Variants in EXOSC4 observed in about 807,000 individuals in gnomAD.
EXOSC4 encodes exosome component 4, also known as exosome complex component RRP41.
Under a neutral mutation model 20.0 loss-of-function variants are expected in EXOSC4, and 14 were observed. The observed-to-expected ratio is 0.70, with a 90% confidence interval of 0.46 to 1.09. The LOEUF (loss-of-function observed/expected upper bound fraction) is 1.09, where lower values mean the gene tolerates loss of function less well. Ranked by LOEUF, EXOSC4 falls within the 50% of genes least tolerant of loss-of-function variation. The pLI, the probability that EXOSC4 is intolerant of heterozygous loss-of-function variation, is 0.00. For missense variants in EXOSC4, 337 were observed against 334.0 expected (o/e 1.01, Z -0.07); for synonymous variants, 148 against 146.4 (o/e 1.01, Z -0.08).
Position 144,080,498 on chromosome 8 carries a change from G to C in EXOSC4, c.635G>C (p.Arg212Pro), listed in dbSNP as rs377386138. The part of the protein sequence containing the change: ...DARLHEDHLE[R>P]VLEAAAQAAR... The stretch of plus-strand genomic sequence containing the variant: ...CGGCTGCACGAGGACCACCTGGAGC[G>C]GGTGTTGGAGGCTGCTGCCCAGGCT... Residue 212 changes from arginine (R) to proline (P), a missense_variant, in exon 3 of 3, where the codon CGG becomes CCG. Coordinates refer to ENST00000316052, the MANE Select transcript of EXOSC4 (RefSeq NM_019037.3). The surrounding 1 kb of genome is among the most constrained non-coding windows in gnomAD (Gnocchi z 4.9). 5.6e-6 allele frequency: 9 copies of C among 1,606,024 alleles called. No individual in the cohort carries two copies. The South Asian group carries it at 8.8e-5, about 16-fold the overall frequency.
At position 144,080,163 on chromosome 8, in the gene EXOSC4, AGCC is replaced by A. The variant is rs1224440147; in HGVS notation, c.378+16_378+18del. 6.2e-6 allele frequency: 10 copies of A among 1,608,348 alleles called. No individual in the cohort carries two copies. Among genetic ancestry groups the A allele is most frequent in the Non-Finnish European group, 8.5e-6 (10 of 1,175,678 alleles). On this transcript the variant is annotated intron_variant, in intron 2 of 2. Transcript: ENST00000316052. The surrounding 1 kb of genome is among the most constrained non-coding windows in gnomAD (Gnocchi z 4.9). ...ATCTATGTGCAGGTGAGCCAGCTGC[AGCC>A]GTCAATCCAGGGAGGGAAGGGTGTG...
chr8:144,079,778 C>T (rs782429055), intron 1 of EXOSC4, 165 bp from the exon 2 acceptor site: 27 of 772,044 alleles, frequency 3.5e-5, no homozygotes, highest in Non-Finnish European at 5.5e-5. Flanking sequence ...TGCCAGAGGG[C>T]GACACATGCA....
At chr8:144,074,784 G>A (rs1835821925), upstream of EXOSC4, among the ~76,000 whole-genome samples, 4 of 152,066 alleles carry the variant, frequency 2.6e-5, no homozygotes, top group Admixed American at 2.6e-4. Flanking sequence ...ATGTTGCCCA[G>A]GCTGGTCTCG....
chr8:144,076,813 T>C, upstream of EXOSC4, among the ~76,000 whole-genome samples: 1 of 152,154 alleles, frequency 6.6e-6, no homozygotes. Flanking sequence ...GTAATGGCCA[T>C]GCGTGGTGGC....
Position 144,080,623 on chromosome 8 carries a change from G to T in EXOSC4, c.*22G>T, listed in dbSNP as rs782499711. 1.3e-6 allele frequency: 2 copies of T among 1,589,990 alleles called. No individual in the cohort carries two copies. The highest frequency in any genetic ancestry group is 3.3e-5 in the Admixed American group (2 of 59,756). On this transcript the variant is annotated 3_prime_UTR_variant, in exon 3 of 3. Transcript: ENST00000316052. This position sits in a 1 kb window ranked among gnomAD's most constrained non-coding sequence, Gnocchi z 4.9. ...CTGACCACCCAGCCACCCATGTCCAGAATAAAACCCTCCTCTGCCCACACA... is the reference window on the plus strand; with the variant it reads ...CTGACCACCCAGCCACCCATGTCCATAATAAAACCCTCCTCTGCCCACACA...
intron 1 of EXOSC4, 115 bp downstream of exon 1, chr8:144,079,014 G>A: frequency 8.4e-7 from 1 of 1,196,670 alleles, no homozygotes; most frequent in Non-Finnish European, 1.1e-6. Flanking sequence ...AGTCTACACA[G>A]CCGATGCTCA....
At position 144,078,980 on chromosome 8, in the gene EXOSC4, G is replaced by A. The variant is rs1045360831; in HGVS notation, c.171+81G>A. On this transcript the variant is annotated intron_variant, in intron 1 of 2. Transcript: ENST00000316052. The surrounding 1 kb of genome is among the most constrained non-coding windows in gnomAD (Gnocchi z 4.7). ...GGGCTGAGCGCTGGCTCGGGGACTT[G>A]AGGGGCAACGGCCGGCGCGCCTCAG... 1 of 1,336,332 alleles carries A rather than the reference G, an allele frequency of 7.5e-7. No homozygotes were observed. The highest frequency in any genetic ancestry group is 9.6e-7 in the Non-Finnish European group (1 of 1,039,596). The allele number at this position is 1,336,332 out of a possible 1,614,324, so 82.8% of individuals were successfully genotyped here.
upstream of EXOSC4, chr8:144,078,257 GCACCCC>G: frequency 6.5e-6 from 1 of 153,790 alleles, no homozygotes; most frequent in Non-Finnish European, 1.5e-5. The surrounding 1 kb of genome is among the most constrained non-coding windows in gnomAD (Gnocchi z 4.7). Context: ...TGTCAGTGTC[GCACCCC>G]ACTGGGTTCA....
At chr8:144,077,704 T>G (rs1554762909), upstream of EXOSC4, among the ~76,000 whole-genome samples, 1 of 152,226 alleles carries the variant, frequency 6.6e-6, no homozygotes, top group African/African-American at 2.4e-5. Context: ...CTTCTGAGGT[T>G]AGGTCCTAAA....
upstream of EXOSC4, among the ~76,000 whole-genome samples, chr8:144,074,525 A>G (rs1554762500): frequency 2.0e-5 from 3 of 152,128 alleles, no homozygotes; most frequent in African/African-American, 7.2e-5. Flanking sequence ...CAAACAAGAA[A>G]ACCCAAACTC....
Position 144,078,869 on chromosome 8 carries a change from G to T in EXOSC4, c.141G>T (p.Lys47Asn). Residue 47 changes from lysine to asparagine, a missense_variant, in exon 1 of 3, where the codon AAG becomes AAT. Coordinates refer to ENST00000316052, the MANE Select transcript of EXOSC4 (RefSeq NM_019037.3). This position sits in a 1 kb window ranked among gnomAD's most constrained non-coding sequence, Gnocchi z 4.7. ...GSAYIEQGNT[K>N]ALAVVYGPHE... ...CCTACATTGAGCAGGGCAACACCAAGGCACTGGCTGTGGTCTACGGCCCGC... is the reference window on the plus strand; with the variant it reads ...CCTACATTGAGCAGGGCAACACCAATGCACTGGCTGTGGTCTACGGCCCGC... 6.5e-7 allele frequency: 1 copy of T among 1,534,380 alleles called. No individual in the cohort carries two copies. The highest frequency in any genetic ancestry group is 8.8e-7 in the Non-Finnish European group (1 of 1,140,060).
upstream of EXOSC4, among the ~76,000 whole-genome samples, chr8:144,074,357 G>A (rs546695860): frequency 3.5e-4 from 53 of 152,168 alleles, no homozygotes; most frequent in East Asian, 9.9e-3. Context: ...CTTGGGCTTA[G>A]CGGGAACAGT....
At chr8:144,069,601 GC>G in the EXOSC4 span, among the ~76,000 whole-genome samples, 2 of 152,196 alleles carry the variant, frequency 1.3e-5, no homozygotes, top group Non-Finnish European at 2.9e-5. Flanking sequence ...TCGCCTCCCC[GC>G]CTCAGCCTCC....
upstream of EXOSC4, among the ~76,000 whole-genome samples, chr8:144,074,582 G>GT (rs1554762509): frequency 6.6e-6 from 1 of 151,872 alleles, no homozygotes. Flanking sequence ...TTTTTGGTTT[G>GT]TTTTTTTGAG....
At chr8:144,064,760 A>G in the EXOSC4 span, among the ~76,000 whole-genome samples, 3 of 152,084 alleles carry the variant, frequency 2.0e-5, no homozygotes, top group South Asian at 2.1e-4. Flanking sequence ...CAGGGACAGG[A>G]GAGCCACCCT....
chr8:144,070,195 G>T, the EXOSC4 span, among the ~76,000 whole-genome samples: 2 of 152,144 alleles, frequency 1.3e-5, no homozygotes, highest in African/African-American at 4.8e-5. Context: ...TCACAGAATG[G>T]TCAAGGCCCT....
Position 144,078,939 on chromosome 8 carries a change from G to C in EXOSC4, c.171+40G>C, listed in dbSNP as rs782773937. The C allele has an allele frequency of 1.4e-6, 2 of 1,430,552 alleles. No homozygotes were observed. Among genetic ancestry groups the C allele is most frequent in the African/African-American group, 1.5e-5 (1 of 67,616 alleles). 88.6% of individuals were successfully genotyped at this position (1,430,552 alleles called of 1,614,324 possible). A position where few individuals can be genotyped will look rare whatever the true frequency, so the allele number is the denominator to read the frequency against. Reference sequence around the variant, plus strand: ...GGGATGGGGAATCGTGTGGCCGTGGGAGCTGCGGGGCAGCCGGGCTGAGCG... The same window carrying C: ...GGGATGGGGAATCGTGTGGCCGTGGCAGCTGCGGGGCAGCCGGGCTGAGCG... On this transcript the variant is annotated intron_variant, in intron 1 of 2. Coordinates refer to ENST00000316052, the MANE Select transcript of EXOSC4 (RefSeq NM_019037.3). The surrounding 1 kb of genome is among the most constrained non-coding windows in gnomAD (Gnocchi z 4.7).
At position 144,080,239 on chromosome 8, in the gene EXOSC4, C is replaced by T; in HGVS notation, c.379-3C>T. ...ATAGACTGACACCCTGGGTTCCCTG[C>T]AGGTGCTACAGGCAGATGGTGGGAC... On this transcript the variant is annotated splice_polypyrimidine_tract_variant and splice_region_variant and intron_variant, in intron 2 of 2. Transcript: ENST00000316052. The surrounding 1 kb of genome is among the most constrained non-coding windows in gnomAD (Gnocchi z 4.9). 2.5e-6 allele frequency: 4 copies of T among 1,612,300 alleles called. No homozygotes were observed. The highest frequency in any genetic ancestry group is 2.5e-6 in the Non-Finnish European group (3 of 1,178,878).
upstream of EXOSC4, among the ~76,000 whole-genome samples, chr8:144,077,438 C>T (rs1048687965): frequency 6.6e-6 from 1 of 152,180 alleles, no homozygotes; most frequent in Non-Finnish European, 1.5e-5. Flanking sequence ...GCTGCAGCAG[C>T]AGGGTTGTGG....
Sources: gnomAD v4.1 joint callset for allele counts (sites outside exome capture counted in the v4.1 genomes callset) on GRCh38, gnomAD v4.1.1 for gene constraint, Gnocchi (gnomAD v3.1) non-coding constraint, MANE v1.5 for transcripts, NCBI Gene and HGNC (gene_info 2026-07-23, HGNC 2026-07-21) for gene names.